PPP6R2: variants seen among roughly 807,000 people sequenced by gnomAD.
The protein encoded by PPP6R2 is serine/threonine-protein phosphatase 6 regulatory subunit 2.
In PPP6R2, 62 loss-of-function variants were observed where a neutral mutation model predicts 100.2. The observed-to-expected ratio is 0.62, with a 90% confidence interval of 0.50 to 0.76. The LOEUF (loss-of-function observed/expected upper bound fraction) is 0.76, where lower values mean the gene tolerates loss of function less well. Ranked by LOEUF, PPP6R2 falls within the 30% of genes least tolerant of loss-of-function variation. The probability of loss-of-function intolerance (pLI) is 0.00; values close to 1 mark genes in which losing one functional copy is unlikely to be tolerated. For synonymous variants in PPP6R2, 525 were observed against 514.7 expected (o/e 1.02, Z -0.27); for missense variants, 1,142 against 1,276.3 (o/e 0.89, Z 1.60).
At chr22:50,412,970 T>G (rs1396714774) in intron 4 of PPP6R2, among the ~76,000 whole-genome samples, 2 of 149,068 alleles carry the variant, frequency 1.3e-5, no homozygotes, top group Admixed American at 6.7e-5. Flanking sequence ...TTTTTTGTTT[T>G]TTTTTTTGAG....
chr22:50,434,914 T>G (rs2063884791), intron 12 of PPP6R2, 52 bp from the exon 13 acceptor site: 1 of 1,524,554 alleles, frequency 6.6e-7, no homozygotes, highest in African/African-American at 1.4e-5. Context: ...GGGTCGTGGG[T>G]CTGGCAAGGT....
chr22:50,379,916 A>G (rs1284755145), intron 2 of PPP6R2, among the ~76,000 whole-genome samples: 1 of 152,280 alleles, frequency 6.6e-6, no homozygotes, highest in East Asian at 1.9e-4. Flanking sequence ...AATAATATCT[A>G]TGGGGTAAAA....
intron 2 of PPP6R2, among the ~76,000 whole-genome samples, chr22:50,384,708 G>A (rs56169618): frequency 0.38 from 58,025 of 152,044 alleles, 11,323 homozygotes; most frequent in South Asian, 0.63. Flanking sequence ...GAGCTGAGTA[G>A]TGTACTAGCT....
At chr22:50,339,454 G>T (rs1426010587), upstream of PPP6R2, among the ~76,000 whole-genome samples, 2 of 119,210 alleles carry the variant, frequency 1.7e-5, no homozygotes, top group African/African-American at 3.3e-5. Flanking sequence ...GTTGTGTGTG[G>T]TGTGTGATTG....
At position 50,431,068 on chromosome 22, in the gene PPP6R2, G is replaced by A. The variant is rs984742087; in HGVS notation, c.1126-105G>A. 1.1e-6 allele frequency: 1 copy of A among 881,640 alleles called. No homozygotes were observed. The highest frequency in any genetic ancestry group is 1.6e-5 in the South Asian group (1 of 63,604). 54.6% of individuals were successfully genotyped at this position (881,640 alleles called of 1,614,324 possible). ...CTAGCTACCCAGAGACTGGACTTGT[G>A]AGGAGTTAGGACGCCACCTTTAGGA... On this transcript the variant is annotated intron_variant, in intron 10 of 23. Coordinates refer to ENST00000612753, the MANE Select transcript of PPP6R2 (RefSeq NM_001242898.2). The surrounding 1 kb of genome is among the most constrained non-coding windows in gnomAD (Gnocchi z 4.8).
At chr22:50,379,542 C>A (rs1440948505) in intron 2 of PPP6R2, among the ~76,000 whole-genome samples, 1 of 151,898 alleles carries the variant, frequency 6.6e-6, no homozygotes, top group African/African-American at 2.4e-5. Flanking sequence ...AAACAGTGAT[C>A]CTAAATGGAA....
intron 4 of PPP6R2, among the ~76,000 whole-genome samples, chr22:50,407,112 C>T (rs187498456): frequency 3.3e-5 from 5 of 152,034 alleles, no homozygotes; most frequent in Admixed American, 2.6e-4. Context: ...TTTGGGAGGC[C>T]GAGCTGGGCA....
chr22:50,355,979 T>TC (rs1207097008), intron 1 of PPP6R2, among the ~76,000 whole-genome samples: 1 of 151,682 alleles, frequency 6.6e-6, no homozygotes, highest in Admixed American at 6.6e-5. Context: ...TTTTTTTTTT[T>TC]TGAGACGGAG....
At chr22:50,441,709 C>A (rs1042605392) in intron 22 of PPP6R2, among the ~76,000 whole-genome samples, 6 of 152,104 alleles carry the variant, frequency 3.9e-5, no homozygotes, top group African/African-American at 1.4e-4. Context: ...GGGAGGCTCT[C>A]CCTGTGAGGA....
intron 10 of PPP6R2, among the ~76,000 whole-genome samples, chr22:50,425,249 G>A (rs753065098): frequency 6.6e-6 from 1 of 152,194 alleles, no homozygotes; most frequent in Non-Finnish European, 1.5e-5. Context: ...GAATCATAAA[G>A]TATTATCTTT....
intron 2 of PPP6R2, among the ~76,000 whole-genome samples, chr22:50,380,469 T>G (rs2148659678): frequency 6.6e-6 from 1 of 151,706 alleles, no homozygotes; most frequent in East Asian, 2.0e-4. Flanking sequence ...CAAGTGATTC[T>G]CCTGCTTCAG....
chr22:50,374,609 A>C (rs1227830284), intron 2 of PPP6R2, among the ~76,000 whole-genome samples: 1 of 152,142 alleles, frequency 6.6e-6, no homozygotes, highest in African/African-American at 2.4e-5. Context: ...TGTCCCAATC[A>C]ATATTTTTAG....
intron 2 of PPP6R2, among the ~76,000 whole-genome samples, chr22:50,376,663 A>G (rs1300382169): frequency 1.3e-5 from 2 of 151,996 alleles, no homozygotes; most frequent in East Asian, 3.9e-4. Context: ...GCTTTAAGCA[A>G]TCTGCCCACC....
At chr22:50,354,992 T>C (rs1024289863) in intron 1 of PPP6R2, among the ~76,000 whole-genome samples, 11 of 151,024 alleles carry the variant, frequency 7.3e-5, no homozygotes, top group Admixed American at 1.3e-4. Context: ...TACAGGTGCC[T>C]GCCACCATGC....
intron 1 of PPP6R2, among the ~76,000 whole-genome samples, chr22:50,364,839 G>A (rs1174283442): frequency 6.6e-6 from 1 of 152,096 alleles, no homozygotes; most frequent in African/African-American, 2.4e-5. Context: ...TTGTGTGCGG[G>A]TCCCACTTAA....
intron 1 of PPP6R2, among the ~76,000 whole-genome samples, chr22:50,352,240 C>T (rs982364674): frequency 9.9e-5 from 15 of 152,174 alleles, no homozygotes; most frequent in South Asian, 2.1e-4. Context: ...CGCGCCCGGC[C>T]GGCATTTGCT....
the PPP6R2 span, among the ~76,000 whole-genome samples, chr22:50,337,481 TCTGC>T: frequency 7.3e-5 from 9 of 122,926 alleles, no homozygotes; most frequent in African/African-American, 1.9e-4. Flanking sequence ...GTAGTGTTTG[TCTGC>T]GATGTGTGGT....
chr22:50,441,195 T>C, intron 22 of PPP6R2, 169 bp downstream of exon 22: 1 of 637,624 alleles, frequency 1.6e-6, no homozygotes, highest in South Asian at 2.1e-5. Context: ...GAGGCGGCGG[T>C]GGTGCCCACG....
chr22:50,356,969 G>C (rs1341031108), intron 1 of PPP6R2, among the ~76,000 whole-genome samples: 1 of 151,804 alleles, frequency 6.6e-6, no homozygotes, highest in African/African-American at 2.4e-5. Flanking sequence ...AAAACTTCCA[G>C]TTTTCCAAAC....
Sources: allele counts gnomAD v4.1 joint callset (sites outside exome capture counted in the v4.1 genomes callset), GRCh38; gene constraint gnomAD v4.1.1; non-coding constraint Gnocchi (gnomAD v3.1); transcripts MANE v1.5; gene names NCBI Gene and HGNC (gene_info 2026-07-23, HGNC 2026-07-21).